The following ARHGAP15 variants were observed in gnomAD, a reference collection of about 807,000 sequenced individuals.
ARHGAP15 encodes Rho GTPase activating protein 15, also known as rho GTPase-activating protein 15.
ARHGAP15 carries 51 observed loss-of-function variants against 63.7 expected under a neutral mutation model. The observed-to-expected ratio is 0.80, with a 90% CI of 0.64 to 1.01. The LOEUF (loss-of-function observed/expected upper bound fraction) is 1.01, where lower values mean the gene tolerates loss of function less well. Among genes scored for constraint, ARHGAP15 ranks in the 50% least tolerant of loss-of-function variants. The pLI, the probability that ARHGAP15 is intolerant of heterozygous loss-of-function variation, is 0.00. For synonymous variants in ARHGAP15, 191 were observed against 193.8 expected, an observed-to-expected ratio of 0.99 and a Z score of 0.12; for missense variants, 560 against 564.6, an observed-to-expected ratio of 0.99 and a Z score of 0.08.
In ARHGAP15 at chr2:143,526,157, T is replaced by A. The variant is rs545943421; in HGVS notation, c.925+6793T>A. On this transcript the variant is annotated intron_variant, in intron 10 of 13. Transcript: ENST00000295095. ...TATTTATTAGTGACATTTAACAGAGTTTATCTATGTCTAGCAATGCATGAC... is the reference window on the plus strand; with the variant it reads ...TATTTATTAGTGACATTTAACAGAGATTATCTATGTCTAGCAATGCATGAC... Among the ~76,000 whole-genome samples, 18 of 151,566 alleles carry A rather than the reference T, an allele frequency of 1.2e-4. No individual in the cohort carries two copies. The East Asian group carries it at 3.5e-3, about 29-fold the overall frequency.
intron 6 of ARHGAP15, among the ~76,000 whole-genome samples, chr2:143,296,102 GCT>G (rs1348765470): frequency 4.0e-5 from 6 of 151,894 alleles, no homozygotes. Context: ...TCCCATCCCT[GCT>G]CTCTCATGCA....
intron 12 of ARHGAP15, among the ~76,000 whole-genome samples, chr2:143,675,197 G>C (rs1222939673): frequency 6.6e-6 from 1 of 152,172 alleles, no homozygotes; most frequent in African/African-American, 2.4e-5. Context: ...TTTGTCATGA[G>C]ATTTGAGCAA....
chr2:143,540,866 C>T (rs1238507056), intron 10 of ARHGAP15, among the ~76,000 whole-genome samples: 1 of 152,142 alleles, frequency 6.6e-6, no homozygotes, highest in African/African-American at 2.4e-5. Context: ...TGGCGTTGCT[C>T]TTCCCAAGGA....
chr2:143,477,216 A>G (rs2105204349), intron 8 of ARHGAP15, among the ~76,000 whole-genome samples: 1 of 152,026 alleles, frequency 6.6e-6, no homozygotes, highest in South Asian at 2.1e-4. Flanking sequence ...ACTCGCGCAC[A>G]CACACACACA....
chr2:143,411,674 T>G (rs1288981452), intron 6 of ARHGAP15, among the ~76,000 whole-genome samples: 1 of 152,208 alleles, frequency 6.6e-6, no homozygotes, highest in Admixed American at 6.5e-5. Context: ...TACTACTGTT[T>G]TAAGAACTGG....
intron 8 of ARHGAP15, among the ~76,000 whole-genome samples, chr2:143,483,192 A>G (rs1342638165): frequency 6.6e-6 from 1 of 152,234 alleles, no homozygotes; most frequent in African/African-American, 2.4e-5. Flanking sequence ...GGTGGTATTG[A>G]AGACAATATG....
chr2:143,299,564 A>C (rs906915783), intron 6 of ARHGAP15, among the ~76,000 whole-genome samples: 2 of 151,928 alleles, frequency 1.3e-5, no homozygotes, highest in Non-Finnish European at 2.9e-5. Context: ...TATTATATGA[A>C]GTTTCACCTT....
At chr2:143,534,525 C>G (rs1021285711) in intron 10 of ARHGAP15, among the ~76,000 whole-genome samples, 1 of 138,468 alleles carries the variant, frequency 7.2e-6, no homozygotes, top group Non-Finnish European at 1.6e-5. Context: ...GCTCAGAGAT[C>G]TGATGATTTC....
intron 3 of ARHGAP15, among the ~76,000 whole-genome samples, chr2:143,206,880 G>A (rs1017337822): frequency 5.9e-5 from 9 of 151,888 alleles, no homozygotes; most frequent in Admixed American, 5.9e-4. Context: ...ATGAAACATG[G>A]CAAAAGTTAG....
chr2:143,653,000 A>G (rs1014108613), intron 12 of ARHGAP15, among the ~76,000 whole-genome samples: 29 of 152,216 alleles, frequency 1.9e-4, no homozygotes, highest in African/African-American at 6.0e-4. Context: ...GATGGAAAGC[A>G]TTCAATCTTT....
At chr2:143,247,043 T>TGACC (rs1480240874) in intron 5 of ARHGAP15, among the ~76,000 whole-genome samples, 1 of 152,194 alleles carries the variant, frequency 6.6e-6, no homozygotes, top group South Asian at 2.1e-4. Flanking sequence ...CTCTTTGGAA[T>TGACC]GACCCTCTAT....
Position 143,485,529 on chromosome 2 carries a change from C to T in ARHGAP15, c.704-1844C>T, listed in dbSNP as rs533314614. 1.2e-4 allele frequency among the ~76,000 whole-genome samples: 18 copies of T among 152,152 alleles called. 1 individual carries two copies. The South Asian group carries it at 2.7e-3, about 23-fold the overall frequency. On this transcript the variant is annotated intron_variant, in intron 8 of 13. Transcript: ENST00000295095. ...CTCAATGTATAGATAGACCTTCCAC[C>T]GATAAATGAGAACTTCAGATGGCCC...
chr2:143,241,127 A>G (rs1693844860), intron 5 of ARHGAP15, among the ~76,000 whole-genome samples: 1 of 152,120 alleles, frequency 6.6e-6, no homozygotes, highest in South Asian at 2.1e-4. Context: ...CCCACAGTGT[A>G]TTTTTTAATT....
rs1336863404 is a variant in ARHGAP15 at position 143,645,928 on chromosome 2, A to G, written c.1138+21661A>G. 2.0e-5 allele frequency among the ~76,000 whole-genome samples: 3 copies of G among 152,122 alleles called. No homozygotes were observed. The East Asian group carries it at 5.8e-4, about 29-fold the overall frequency. On this transcript the variant is annotated intron_variant, in intron 12 of 13. Coordinates refer to ENST00000295095, the MANE Select transcript of ARHGAP15 (RefSeq NM_018460.4). ...TGGCATTATTCCCATTCGTTAGATGAGGAAACTGAAGCAAAACACATGAAG... is the reference window on the plus strand; with the variant it reads ...TGGCATTATTCCCATTCGTTAGATGGGGAAACTGAAGCAAAACACATGAAG...
intron 10 of ARHGAP15, among the ~76,000 whole-genome samples, chr2:143,542,801 A>G (rs1559040629): frequency 8.5e-6 from 1 of 117,580 alleles, no homozygotes; most frequent in South Asian, 2.3e-4. Context: ...TATCACATAT[A>G]TAGTATATAT....
chr2:143,697,558 G>A (rs1683906297), intron 12 of ARHGAP15, among the ~76,000 whole-genome samples: 1 of 152,148 alleles, frequency 6.6e-6, no homozygotes, highest in Non-Finnish European at 1.5e-5. Flanking sequence ...CTGAGAAGTG[G>A]TATGTCACTG....
At chr2:143,138,164 T>A (rs1434649660) in intron 1 of ARHGAP15, among the ~76,000 whole-genome samples, 1 of 152,126 alleles carries the variant, frequency 6.6e-6, no homozygotes, top group Non-Finnish European at 1.5e-5. Flanking sequence ...TAGCTATGAC[T>A]TACTCTGTGT....
intron 3 of ARHGAP15, among the ~76,000 whole-genome samples, chr2:143,203,471 G>A (rs1692204094): frequency 6.6e-6 from 1 of 152,034 alleles, no homozygotes; most frequent in South Asian, 2.1e-4. Context: ...AGGTCTATCT[G>A]AGCATTTAAC....
intron 8 of ARHGAP15, among the ~76,000 whole-genome samples, chr2:143,482,647 A>G (rs941174404): frequency 6.6e-6 from 1 of 152,254 alleles, no homozygotes; most frequent in Admixed American, 6.5e-5. Flanking sequence ...CCTTGACAAC[A>G]GAAAAGCGTA....
Sources: gnomAD v4.1 joint callset for allele counts (sites outside exome capture counted in the v4.1 genomes callset) on GRCh38, gnomAD v4.1.1 for gene constraint, MANE v1.5 for transcripts, NCBI Gene and HGNC (gene_info 2026-07-23, HGNC 2026-07-21) for gene names.